The following PEX6 variants were observed in gnomAD, a reference collection of about 807,000 sequenced individuals.
PEX6 encodes the protein peroxisomal biogenesis factor 6.
In PEX6, 55 loss-of-function variants were observed where a neutral mutation model predicts 85.6. The ratio of observed to expected loss-of-function variants is 0.64; its 90% confidence interval spans 0.52 to 0.80. The LOEUF (loss-of-function observed/expected upper bound fraction) is 0.80. Ranked by LOEUF, PEX6 falls within the 30% of genes least tolerant of loss-of-function variation. PEX6 has a pLI of 0.00. For synonymous variants in PEX6, 519 were observed against 549.1 expected (o/e 0.95, Z 0.77); for missense variants, 1,099 against 1,260.3 (o/e 0.87, Z 1.94).
At chr6:42,977,251 C>A (rs1307788691) in intron 1 of PEX6, among the ~76,000 whole-genome samples, 1 of 126,670 alleles carries the variant, frequency 7.9e-6, no homozygotes, top group East Asian at 2.4e-4. Context: ...TGAAACCTCA[C>A]TTTTTTTTTT....
At chr6:42,966,946 T>TG (rs1432522007) in intron 8 of PEX6, 88 bp from the exon 9 acceptor site, 1 of 878,590 alleles carries the variant, frequency 1.1e-6, no homozygotes. Context: ...AGAGGCCCTC[T>TG]GTTGATGCCT....
In PEX6 at chr6:42,978,369, G is replaced by C. The variant is rs753014991; in HGVS notation, c.782C>G (p.Pro261Arg). 3 of 1,614,158 alleles carry C rather than the reference G, an allele frequency of 1.9e-6. No homozygotes were observed. The highest frequency in any genetic ancestry group is 2.5e-6 in the Non-Finnish European group (3 of 1,180,032). ...LSDRLGPGSG[P>R]LGEPLADGLA... ...TCCGTCAGCGAGGGGCTCTCCCAGC[G>C]GTCCAGAGCCGGGTCCCAGTCTATC... The change falls in exon 1 of 17, where the codon CCG (proline) becomes CGG (arginine). Residue 261 changes from proline to arginine, a missense_variant. This residue lies in a region of PEX6 where 579 missense variants were observed against 611.6 expected (regional missense o/e 0.95). Coordinates refer to ENST00000304611, the MANE Select transcript of PEX6 (RefSeq NM_000287.4).
intron 1 of PEX6, among the ~76,000 whole-genome samples, chr6:42,977,170 T>C (rs1561829303): frequency 2.0e-5 from 3 of 149,934 alleles, no homozygotes; most frequent in Admixed American, 2.0e-4. Context: ...CTCCATATTA[T>C]AAAGCACAAT....
chr6:42,974,751 G>A lies in PEX6; in HGVS notation c.1046+124C>T. 4 of 886,254 alleles carry A rather than the reference G, an allele frequency of 4.5e-6. No homozygotes were observed. The South Asian group carries it at 5.3e-5, about 12-fold the overall frequency. The allele number at this position is 886,254 out of a possible 1,614,324, so 54.9% of individuals were successfully genotyped here. ...GCTGGGATTACAGACGTGAGCCACA[G>A]CACCTAGCCGCAAATGTGGCTTCTT... On this transcript the variant is annotated intron_variant, in intron 2 of 16. Transcript: ENST00000304611.
intron 1 of PEX6, among the ~76,000 whole-genome samples, chr6:42,977,970 A>G (rs1001345963): frequency 6.6e-6 from 1 of 151,208 alleles, no homozygotes; most frequent in South Asian, 2.1e-4. Context: ...CAGCCTCCCA[A>G]GTAGCTGGGA....
At chr6:42,975,974 C>T (rs557722413) in intron 1 of PEX6, among the ~76,000 whole-genome samples, 2 of 151,992 alleles carry the variant, frequency 1.3e-5, no homozygotes, top group Non-Finnish European at 1.5e-5. Context: ...CTGCAAGCTC[C>T]GCCTCCTGGG....
At chr6:42,968,831 G>A (rs765070247) in intron 6 of PEX6, 43 bp downstream of exon 6, 2 of 1,368,402 alleles carry the variant, frequency 1.5e-6, no homozygotes, top group African/African-American at 2.8e-5. Context: ...ACATGAGCTG[G>A]GGAGGGGAAG....
chr6:42,965,511 TCTC>T lies in PEX6; in HGVS notation c.2472-146_2472-144del. The T allele has an allele frequency of 1.1e-6, 1 of 892,488 alleles. No homozygotes were observed. The highest frequency in any genetic ancestry group is 1.9e-6 in the Non-Finnish European group (1 of 527,040). 55.3% of individuals were successfully genotyped at this position (892,488 alleles called of 1,614,324 possible). A position where few individuals can be genotyped will look rare whatever the true frequency, so the allele number is the denominator to read the frequency against. On this transcript the variant is annotated intron_variant, in intron 13 of 16. Transcript: ENST00000304611. This position sits in a 1 kb window ranked among gnomAD's most constrained non-coding sequence, Gnocchi z 5.0. ...TGTGCCCCACCAGGTAGGCCCCCAT[TCTC>T]CTCAGTGGACCCTGCCCAATTTCAT... is the stretch of plus-strand genomic sequence containing the variant.
chr6:42,966,139 C>T, intron 11 of PEX6, 34 bp from the exon 12 acceptor site: 1 of 1,613,182 alleles, frequency 6.2e-7, no homozygotes. Flanking sequence ...TGAGAGCCGT[C>T]AGATGCACAT....
In PEX6 at chr6:42,978,557, C is replaced by G; in HGVS notation, c.594G>C (p.Leu198=). 2 of 1,613,280 alleles carry G rather than the reference C, an allele frequency of 1.2e-6. No individual in the cohort carries two copies. The highest frequency in any genetic ancestry group is 1.7e-6 in the Non-Finnish European group (2 of 1,179,926). The change falls in exon 1 of 17, where the codon CTG becomes CTC. Residue 198 remains leucine, a synonymous_variant. Transcript: ENST00000304611. ...SGTVRRLQGV[L]GGTGDSLGVS... Reference sequence around the variant, plus strand: ...CCCCTAGTGAATCTCCAGTCCCTCCCAGAACTCCCTGGAGTCGCCGCACTG... The same window carrying G: ...CCCCTAGTGAATCTCCAGTCCCTCCGAGAACTCCCTGGAGTCGCCGCACTG...
Position 42,964,325 on chromosome 6 carries a change from T to TG in PEX6, c.*9dup. Reference sequence around the variant, plus strand: ...CCATGCTGAGCGGGGTCCCAGACCCTGGGGGGCTCCTAGCAGGCAGCAAAC... The same window carrying TG: ...CCATGCTGAGCGGGGTCCCAGACCCTGGGGGGGCTCCTAGCAGGCAGCAAAC... On this transcript the variant is annotated 3_prime_UTR_variant, in exon 17 of 17. Coordinates refer to ENST00000304611, the MANE Select transcript of PEX6 (RefSeq NM_000287.4). This position sits in a 1 kb window ranked among gnomAD's most constrained non-coding sequence, Gnocchi z 4.6. The TG allele has an allele frequency of 6.2e-7, 1 of 1,613,408 alleles. No homozygotes were observed. Among genetic ancestry groups the TG allele is most frequent in the Non-Finnish European group, 8.5e-7 (1 of 1,179,910 alleles).
Position 42,964,049 on chromosome 6 carries a change from C to A in PEX6, c.*286G>T. On this transcript the variant is annotated 3_prime_UTR_variant, in exon 17 of 17. Transcript: ENST00000304611. The surrounding 1 kb of genome is among the most constrained non-coding windows in gnomAD (Gnocchi z 4.6). ...CTTTATTTTCAGCCACAGAACTAGC[C>A]CTCTCAGGGCCCAATCCCCAGAACC... 1.8e-6 allele frequency: 1 copy of A among 567,520 alleles called. No homozygotes were observed. Among genetic ancestry groups the A allele is most frequent in the South Asian group, 2.0e-5 (1 of 49,384 alleles). 35.2% of individuals were successfully genotyped at this position (567,520 alleles called of 1,614,324 possible).
In PEX6 at chr6:42,969,736, C is replaced by A; in HGVS notation, c.1299G>T (p.Leu433Phe). ...CCAAGGCCTCCAGGCCTGGAGGAGA[C>A]AAACTGCTCCAGAGAGTGGATTCCT... The part of the protein sequence containing the change: ...PSEESTLWSS[L>F]SPPGLEALVS... The change falls in exon 5 of 17, where the codon TTG (leucine) becomes TTT (phenylalanine). Residue 433 changes from leucine (L) to phenylalanine (F), a missense_variant. Transcript: ENST00000304611. 6.2e-7 allele frequency: 1 copy of A among 1,613,722 alleles called. No homozygotes were observed. The highest frequency in any genetic ancestry group is 8.5e-7 in the Non-Finnish European group (1 of 1,179,904).
Position 42,969,807 on chromosome 6 carries a change from A to G in PEX6, c.1234-6T>C. 1.2e-6 allele frequency: 2 copies of G among 1,606,940 alleles called. No individual in the cohort carries two copies. Among genetic ancestry groups the G allele is most frequent in the South Asian group, 2.2e-5 (2 of 91,076 alleles). Reference sequence around the variant, plus strand: ...GGGCTCAGGGTAGAACCCACCTGTGAAAGGTAATAAAAAGCTTTCGTTTCT... The same window carrying G: ...GGGCTCAGGGTAGAACCCACCTGTGGAAGGTAATAAAAAGCTTTCGTTTCT... On this transcript the variant is annotated splice_region_variant and splice_polypyrimidine_tract_variant and intron_variant, in intron 4 of 16. Transcript: ENST00000304611.
In PEX6 at chr6:42,967,568, A is replaced by C; in HGVS notation, c.1689-5T>G. ...ACAACCATGAGGGGAGGGCAGCTGC[A>C]GACAGAGGAGTGGGCACTGAGGGTG... On this transcript the variant is annotated splice_polypyrimidine_tract_variant and splice_region_variant and intron_variant, in intron 7 of 16. Transcript: ENST00000304611. The C allele has an allele frequency of 6.3e-7, 1 of 1,594,240 alleles. No individual in the cohort carries two copies. The highest frequency in any genetic ancestry group is 8.5e-7 in the Non-Finnish European group (1 of 1,171,502).
Position 42,967,529 on chromosome 6 carries a change from G to A in PEX6, c.1723C>T (p.Arg575Trp), listed in dbSNP as rs755211783. The change falls in exon 8 of 17, where the codon CGG becomes TGG. Residue 575 changes from arginine to tryptophan, a missense_variant. By Grantham distance (101) the Arg-to-Trp change is moderately radical. Coordinates refer to ENST00000304611, the MANE Select transcript of PEX6 (RefSeq NM_000287.4). Reference protein sequence around the residue: ...PPLMVVATTSRAQDLPADVQT... With the variant: ...PPLMVVATTSWAQDLPADVQT... ...ACATCAGCAGGCAGGTCCTGGGCCCGGCTTGTGGTGGCCACAACCATGAGG... is the reference window on the plus strand; with the variant it reads ...ACATCAGCAGGCAGGTCCTGGGCCCAGCTTGTGGTGGCCACAACCATGAGG... The A allele has an allele frequency of 1.6e-5, 25 of 1,605,180 alleles. No individual in the cohort carries two copies. The Admixed American group carries it at 1.9e-4, about 12-fold the overall frequency.
Position 42,967,494 on chromosome 6 carries a change from T to A in PEX6, c.1758A>T (p.Ala586=). Reference sequence around the variant, plus strand: ...CAGGCACCTCGAGCTCATGAGGAAATGCTGTCTGCACATCAGCAGGCAGGT... The same window carrying A: ...CAGGCACCTCGAGCTCATGAGGAAAAGCTGTCTGCACATCAGCAGGCAGGT... ...AQDLPADVQT[A]FPHELEVPAL... is the part of the protein sequence containing the mutation. Residue 586 remains alanine (A), a synonymous_variant, in exon 8 of 17, where the codon GCA becomes GCT. Transcript: ENST00000304611. 1.2e-6 allele frequency: 2 copies of A among 1,610,294 alleles called. No individual in the cohort carries two copies. Among genetic ancestry groups the A allele is most frequent in the South Asian group, 1.1e-5 (1 of 90,126 alleles).
chr6:42,968,649 T>A, intron 6 of PEX6, 151 bp from the exon 7 acceptor site: 1 of 777,872 alleles, frequency 1.3e-6, no homozygotes. Flanking sequence ...TACCTCTTTT[T>A]TACCCTATCC....
chr6:42,973,906 T>C (rs1388900649), intron 3 of PEX6, 97 bp downstream of exon 3: 1 of 857,164 alleles, frequency 1.2e-6, no homozygotes, highest in Non-Finnish European at 2.0e-6. Flanking sequence ...CGAAATCCTC[T>C]TGGGCACAAA....
Sources: allele counts gnomAD v4.1 joint callset (sites outside exome capture counted in the v4.1 genomes callset), GRCh38; gene constraint gnomAD v4.1.1; regional missense constraint gnomAD v4.1.1; non-coding constraint Gnocchi (gnomAD v3.1); transcripts MANE v1.5; gene names NCBI Gene and HGNC (gene_info 2026-07-23, HGNC 2026-07-21).